CELA2B: variants seen among roughly 807,000 people sequenced by gnomAD.
CELA2B encodes chymotrypsin like elastase 2B.
In CELA2B, 27 loss-of-function variants were observed where a neutral mutation model predicts 36.5. That is an observed-to-expected ratio of 0.74 (90% CI 0.55 to 1.02). The LOEUF (loss-of-function observed/expected upper bound fraction) is 1.02, where lower values mean the gene tolerates loss of function less well. Among genes scored for constraint, CELA2B ranks in the 50% least tolerant of loss-of-function variants. The pLI is 0.00. For missense variants in CELA2B, 340 were observed against 347.8 expected (o/e 0.98, Z 0.18); for synonymous variants, 143 against 148.5 (o/e 0.96, Z 0.27).
At chr1:15,481,824 T>A (rs1570808701) in intron 3 of CELA2B, 1 of 465,476 alleles carries the variant, frequency 2.1e-6, no homozygotes. Flanking sequence ...GTGATGGGGA[T>A]ACTAATAGAG....
intron 6 of CELA2B, among the ~76,000 whole-genome samples, chr1:15,486,309 T>C (rs1708804071): frequency 6.6e-6 from 1 of 152,122 alleles, no homozygotes; most frequent in Non-Finnish European, 1.5e-5. Flanking sequence ...GGTGAAATCC[T>C]GTCTCTACTA....
Position 15,486,004 on chromosome 1 carries a change from T to G in CELA2B, c.597T>G (p.Asn199Lys), listed in dbSNP as rs1476082272. The G allele has an allele frequency of 1.9e-6, 3 of 1,614,130 alleles. No homozygotes were observed. The South Asian group carries it at 3.3e-5, about 18-fold the overall frequency. The change falls in exon 6 of 8, where the codon AAT becomes AAG. Residue 199 changes from asparagine (N) to lysine (K), a missense_variant. Physicochemically the swap from Asn to Lys is moderately conservative, Grantham distance 94 (BLOSUM62 0). Coordinates refer to ENST00000375910, the MANE Select transcript of CELA2B (RefSeq NM_015849.3). ...SGWWGSTVKT[N>K]MICAGGDGVI... is the part of the protein sequence containing the mutation. ...GGTGGGGCAGCACCGTGAAGACGAA[T>G]ATGATCTGTGCTGGGGGTGATGGCG... is the stretch of plus-strand genomic sequence containing the variant.
intron 6 of CELA2B, among the ~76,000 whole-genome samples, chr1:15,486,833 C>T (rs2103315248): frequency 6.7e-6 from 1 of 149,420 alleles, no homozygotes; most frequent in Non-Finnish European, 1.5e-5. Context: ...GAAGGAGATC[C>T]ACACGCCCTT....
intron 1 of CELA2B, 82 bp downstream of exon 1, chr1:15,476,247 C>G: frequency 6.4e-7 from 1 of 1,573,644 alleles, no homozygotes; most frequent in South Asian, 1.1e-5. Context: ...CCCCTCTCGC[C>G]CCCACCCAAC....
chr1:15,490,027 C>G (rs1245336230), intron 7 of CELA2B, among the ~76,000 whole-genome samples: 1 of 152,134 alleles, frequency 6.6e-6, no homozygotes, highest in African/African-American at 2.4e-5. Context: ...GCATGCACCA[C>G]CATGCCCAAC....
chr1:15,477,601 C>G (rs1210411424), intron 2 of CELA2B, among the ~76,000 whole-genome samples: 1 of 152,132 alleles, frequency 6.6e-6, no homozygotes, highest in African/African-American at 2.4e-5. Flanking sequence ...TTCTTTAAAG[C>G]AGAGCAATAA....
intron 2 of CELA2B, among the ~76,000 whole-genome samples, chr1:15,476,904 C>A (rs1217524083): frequency 6.6e-6 from 1 of 152,118 alleles, no homozygotes; most frequent in East Asian, 1.9e-4. Context: ...AAGACTTGAA[C>A]CTGAGAGGCA....
At chr1:15,478,226 ATAGTTT>A (rs1557523190) in intron 2 of CELA2B, among the ~76,000 whole-genome samples, 61 of 148,040 alleles carry the variant, frequency 4.1e-4, no homozygotes, top group African/African-American at 9.3e-4. Flanking sequence ...ATTGGGATAT[ATAGTTT>A]GTTTGTTTGT....
rs879304757 is a variant in CELA2B at position 15,489,225 on chromosome 1, G to GTCCCAGCATCAGCTGT, written c.792+1812_792+1827dup. Among the ~76,000 whole-genome samples, 869 of 152,294 alleles carry GTCCCAGCATCAGCTGT rather than the reference G, an allele frequency of 5.7e-3. 29 individuals carry two copies. Among genetic ancestry groups the GTCCCAGCATCAGCTGT allele is most frequent in the Admixed American group, 0.034 (522 of 15,266 alleles). Reference sequence around the variant, plus strand: ...GCAGGGGCAATTGTCCCGATCTGTTGTCCCAGCATCAGCTGTTCCCAGCAT... The same window carrying GTCCCAGCATCAGCTGT: ...GCAGGGGCAATTGTCCCGATCTGTTGTCCCAGCATCAGCTGTTCCCAGCATCAGCTGTTCCCAGCAT... On this transcript the variant is annotated intron_variant, in intron 7 of 7. Coordinates refer to ENST00000375910, the MANE Select transcript of CELA2B (RefSeq NM_015849.3).
chr1:15,477,874 A>G (rs1708690952), intron 2 of CELA2B, among the ~76,000 whole-genome samples: 1 of 152,250 alleles, frequency 6.6e-6, no homozygotes, highest in Non-Finnish European at 1.5e-5. Context: ...CAGCTGAACC[A>G]GGATGAGTTT....
chr1:15,488,811 C>T (rs1708837731), intron 7 of CELA2B, among the ~76,000 whole-genome samples: 1 of 152,218 alleles, frequency 6.6e-6, no homozygotes, highest in African/African-American at 2.4e-5. Context: ...GAAAACTAAA[C>T]TGTCAAAATA....
intron 2 of CELA2B, among the ~76,000 whole-genome samples, chr1:15,479,763 T>A (rs1317407976): frequency 1.3e-5 from 2 of 152,126 alleles, no homozygotes; most frequent in African/African-American, 4.8e-5. Flanking sequence ...GAAGGCAACC[T>A]TGAGCAGAGA....
intron 7 of CELA2B, among the ~76,000 whole-genome samples, chr1:15,490,247 TC>T (rs1708862911): frequency 7.0e-6 from 1 of 142,036 alleles, no homozygotes; most frequent in Non-Finnish European, 1.5e-5. Context: ...TATCTATCTA[TC>T]TATCTATCTA....
intron 4 of CELA2B, among the ~76,000 whole-genome samples, chr1:15,482,841 A>G (rs1448804270): frequency 6.6e-6 from 1 of 152,038 alleles, no homozygotes; most frequent in African/African-American, 2.4e-5. Flanking sequence ...GCTGTAGTGC[A>G]GTAGCACAAT....
At chr1:15,479,069 A>G (rs1389219838) in intron 2 of CELA2B, among the ~76,000 whole-genome samples, 1 of 152,136 alleles carries the variant, frequency 6.6e-6, no homozygotes, top group Non-Finnish European at 1.5e-5. Context: ...AATAATACGT[A>G]TTACGTGGAC....
intron 2 of CELA2B, among the ~76,000 whole-genome samples, chr1:15,480,821 C>T (rs1570807954): frequency 6.6e-6 from 1 of 152,190 alleles, no homozygotes; most frequent in African/African-American, 2.4e-5. Context: ...GTCTCAAACT[C>T]CTGGGCTCAA....
chr1:15,486,214 C>T (rs192259053), intron 6 of CELA2B, among the ~76,000 whole-genome samples, 168 bp downstream of exon 6: 1 of 152,180 alleles, frequency 6.6e-6, no homozygotes, highest in South Asian at 2.1e-4. Context: ...GGCATAGTGG[C>T]TCATGCCTGT....
chr1:15,481,769 A>G, intron 3 of CELA2B: 1 of 469,502 alleles, frequency 2.1e-6, no homozygotes, highest in Admixed American at 2.3e-5. Context: ...ACTCCCTACC[A>G]GGAGTGATCC....
intron 2 of CELA2B, among the ~76,000 whole-genome samples, chr1:15,479,149 T>C (rs972561775): frequency 6.6e-6 from 1 of 152,200 alleles, no homozygotes; most frequent in African/African-American, 2.4e-5. Context: ...TACTTTTCAG[T>C]GTCTTTTTTC....
Sources: allele counts gnomAD v4.1 joint callset (sites outside exome capture counted in the v4.1 genomes callset), GRCh38; gene constraint gnomAD v4.1.1; transcripts MANE v1.5; gene names NCBI Gene and HGNC (gene_info 2026-07-23, HGNC 2026-07-21).